The following TTC6 variants were observed in gnomAD, a reference collection of about 807,000 sequenced individuals.
The protein encoded by TTC6 is tetratricopeptide repeat domain 6.
TTC6 carries 172 observed loss-of-function variants against 210.4 expected under a neutral mutation model. The ratio of observed to expected loss-of-function variants is 0.82; its 90% CI spans 0.72 to 0.93. TTC6 has a LOEUF of 0.93. Among genes scored for constraint, TTC6 ranks in the 40% least tolerant of loss-of-function variants. The pLI, the probability that TTC6 is intolerant of heterozygous loss-of-function variation, is 0.00. For missense variants in TTC6, 2,414 were observed against 2,318.1 expected (o/e 1.04, Z -0.85); for synonymous variants, 804 against 819.6 (o/e 0.98, Z 0.32).
At chr14:37,622,538 C>G (rs530400857) in exon 1 of TTC6, 2 of 1,535,086 alleles carry the variant, frequency 1.3e-6, no homozygotes, top group African/African-American at 1.4e-5. Flanking sequence ...CCGAGCCACC[C>G]GTGAAGCGCA....
At chr14:37,636,180 C>T (rs1051793619) in intron 1 of TTC6, among the ~76,000 whole-genome samples, 3 of 152,066 alleles carry the variant, frequency 2.0e-5, no homozygotes, top group Non-Finnish European at 2.9e-5. Context: ...GTTAAAAACG[C>T]GTAACACCCT....
intron 14 of TTC6, among the ~76,000 whole-genome samples, chr14:37,770,919 C>T (rs1229317645): frequency 6.9e-6 from 1 of 145,214 alleles, no homozygotes; most frequent in Non-Finnish European, 1.5e-5. Context: ...TACATTTTGG[C>T]ATGATTTTGC....
At chr14:37,787,293 A>G (rs1378025681) in intron 14 of TTC6, among the ~76,000 whole-genome samples, 175 bp from the exon 17 acceptor site, 1 of 152,252 alleles carries the variant, frequency 6.6e-6, no homozygotes, top group African/African-American at 2.4e-5. Context: ...AGTGTACTTC[A>G]ATTTATAAAA....
intron 20 of TTC6, among the ~76,000 whole-genome samples, chr14:37,797,258 G>A (rs1307911222): frequency 2.0e-5 from 3 of 151,918 alleles, no homozygotes; most frequent in South Asian, 2.1e-4. Context: ...TTCATAGGGC[G>A]GTACCAATTT....
At chr14:37,619,690 T>C (rs1034258560), upstream of TTC6, among the ~76,000 whole-genome samples, 1 of 152,170 alleles carries the variant, frequency 6.6e-6, no homozygotes, top group Non-Finnish European at 1.5e-5. Flanking sequence ...CTATTGATTT[T>C]AGCAGCAGTT....
chr14:37,763,802 T>C (rs1260441917), intron 14 of TTC6, among the ~76,000 whole-genome samples: 2 of 151,918 alleles, frequency 1.3e-5, no homozygotes, highest in Non-Finnish European at 2.9e-5. Flanking sequence ...ATTTCATTTA[T>C]CTTTGCTCTA....
chr14:37,679,107 T>C (rs2095777027), intron 1 of TTC6, among the ~76,000 whole-genome samples: 1 of 152,020 alleles, frequency 6.6e-6, no homozygotes, highest in African/African-American at 2.4e-5. Flanking sequence ...TTGTAGTCCA[T>C]GCCACTCAGG....
intron 1 of TTC6, among the ~76,000 whole-genome samples, chr14:37,633,068 G>C (rs2095673142): frequency 6.6e-6 from 1 of 152,190 alleles, no homozygotes; most frequent in Admixed American, 6.5e-5. Flanking sequence ...CTCCGTGGGG[G>C]TGAGATCCAC....
At chr14:37,656,755 T>C (rs2139443492) in intron 1 of TTC6, among the ~76,000 whole-genome samples, 1 of 152,164 alleles carries the variant, frequency 6.6e-6, no homozygotes, top group East Asian at 1.9e-4. Flanking sequence ...CAAGGATGGC[T>C]CCTCCTTTTT....
intron 1 of TTC6, among the ~76,000 whole-genome samples, chr14:37,632,812 T>G (rs1292824883): frequency 6.6e-6 from 1 of 152,222 alleles, no homozygotes; most frequent in Non-Finnish European, 1.5e-5. Flanking sequence ...AGAGATGCCC[T>G]GCCCAGAGAG....
chr14:37,732,736 G>A (rs2095890843), intron 7 of TTC6, among the ~76,000 whole-genome samples: 1 of 151,624 alleles, frequency 6.6e-6, no homozygotes, highest in Admixed American at 6.6e-5. Flanking sequence ...CTCTGCCTCA[G>A]CCTCCCGAGT....
intron 15 of TTC6, among the ~76,000 whole-genome samples, chr14:37,787,911 G>A (rs1308414640): frequency 2.6e-5 from 4 of 151,524 alleles, no homozygotes; most frequent in Non-Finnish European, 4.4e-5. Context: ...GTGTGTGTGT[G>A]TGTGTGTGTG....
intron 8 of TTC6, 49 bp from the exon 11 acceptor site, chr14:37,737,611 C>T: frequency 9.3e-7 from 1 of 1,076,050 alleles, no homozygotes; most frequent in Non-Finnish European, 1.3e-6. Context: ...TTTAGCTTAT[C>T]AGATAGTATC....
chr14:37,834,178 G>C (rs1444936588), intron 29 of TTC6, among the ~76,000 whole-genome samples: 1 of 151,980 alleles, frequency 6.6e-6, no homozygotes, highest in African/African-American at 2.4e-5. Context: ...GGCCTTTTTG[G>C]GTTGAATCTA....
intron 1 of TTC6, among the ~76,000 whole-genome samples, chr14:37,652,888 G>A (rs975678497): frequency 6.6e-6 from 1 of 152,198 alleles, no homozygotes; most frequent in Non-Finnish European, 1.5e-5. Context: ...TATTTAGGTA[G>A]ATGCCACAGG....
intron 14 of TTC6, 144 bp from the exon 17 acceptor site, chr14:37,787,324 T>G: frequency 3.4e-6 from 2 of 582,464 alleles, no homozygotes; most frequent in South Asian, 4.2e-5. Flanking sequence ...ATTTTTGCTG[T>G]TAACATCATG....
intron 24 of TTC6, among the ~76,000 whole-genome samples, chr14:37,810,194 C>G (rs1023414269): frequency 6.6e-6 from 1 of 152,086 alleles, no homozygotes; most frequent in African/African-American, 2.4e-5. Context: ...TGTTAAGATG[C>G]TAGGAGCTGA....
Position 37,746,579 on chromosome 14 carries a change from A to G in TTC6, c.2364-2360A>G, listed in dbSNP as rs74045694. ...TGAAGTTTGAGAACCCTTCACTTAG[A>G]GTATTCCTGGGTGTTCTGGCTAAGG... On this transcript the variant is annotated intron_variant, in intron 10 of 30. Coordinates refer to ENST00000553443, the Ensembl canonical transcript of TTC6. 2.6e-5 allele frequency among the ~76,000 whole-genome samples: 4 copies of G among 152,212 alleles called. No homozygotes were observed. The South Asian group carries it at 8.3e-4, about 32-fold the overall frequency.
intron 26 of TTC6, 146 bp from the exon 29 acceptor site, chr14:37,823,601 A>G: frequency 1.4e-6 from 1 of 715,924 alleles, no homozygotes; most frequent in Non-Finnish European, 2.3e-6. Flanking sequence ...TTATGTGCCT[A>G]CCTCCTACAA....
Sources: allele counts gnomAD v4.1 joint callset (sites outside exome capture counted in the v4.1 genomes callset), GRCh38; gene constraint gnomAD v4.1.1; transcripts MANE v1.5; gene names NCBI Gene and HGNC (gene_info 2026-07-23, HGNC 2026-07-21).